The following PMS2 variants were observed in gnomAD, a reference collection of about 807,000 sequenced individuals.
The protein encoded by PMS2 is mismatch repair endonuclease PMS2.
A neutral mutation model predicts 90.0 loss-of-function variants in PMS2; 69 were observed. The observed-to-expected ratio is 0.77, with a 90% CI of 0.63 to 0.94. The LOEUF (loss-of-function observed/expected upper bound fraction) is 0.94. PMS2 is among the 40% of genes least tolerant of loss of function. PMS2 has a pLI of 0.00. For synonymous variants in PMS2, 332 were observed against 375.1 expected, an observed-to-expected ratio of 0.89 and a Z score of 1.33; for missense variants, 966 against 1,040.2, an observed-to-expected ratio of 0.93 and a Z score of 0.98.
chr7:6,005,499 T>A (rs1785631047), intron 2 of PMS2, among the ~76,000 whole-genome samples: 1 of 152,172 alleles, frequency 6.6e-6, no homozygotes. Flanking sequence ...CCACTATGCC[T>A]GGCCTACTTT....
Position 5,986,926 on chromosome 7 carries a change from C to G in PMS2, c.1839G>C (p.Lys613Asn), listed in dbSNP as rs1554297185. The G allele has an allele frequency of 6.2e-7, 1 of 1,614,138 alleles. No homozygotes were observed. The highest frequency in any genetic ancestry group is 1.1e-5 in the South Asian group (1 of 91,072). Residue 613 changes from lysine to asparagine, a missense_variant, in exon 11 of 15, where the codon AAG becomes AAC. This residue lies in a region of PMS2 where 871 missense variants were observed against 802.4 expected (regional missense o/e 1.09). Transcript: ENST00000265849. Reference protein sequence around the residue: ...SQVDVAVKINKKVVPLDFSMS... With the variant: ...SQVDVAVKINNKVVPLDFSMS... Reference sequence around the variant, plus strand: ...TAGAAAAGTCCAGGGGCACAACTTTCTTATTAATTTTCACAGCTACATCAA... The same window carrying G: ...TAGAAAAGTCCAGGGGCACAACTTTGTTATTAATTTTCACAGCTACATCAA...
At position 6,008,990 on chromosome 7, in the gene PMS2, C is replaced by A. The variant is rs878854047; in HGVS notation, c.23+7G>T. ...GGGGACACCGGAAGACTGCGAGCCC[C>A]GCTCACCTCGAGCTCTCAGCTCGCT... On this transcript the variant is annotated splice_region_variant and intron_variant, in intron 1 of 14. Coordinates refer to ENST00000265849, the MANE Select transcript of PMS2 (RefSeq NM_000535.7). The A allele has an allele frequency of 6.2e-7, 1 of 1,612,640 alleles. No homozygotes were observed. Among genetic ancestry groups the A allele is most frequent in the Non-Finnish European group, 8.5e-7 (1 of 1,179,828 alleles).
intron 1 of PMS2, 162 bp from the exon 2 acceptor site, chr7:6,006,193 C>T (rs55909068): frequency 2.4e-6 from 2 of 829,218 alleles, no homozygotes; most frequent in East Asian, 5.5e-5. Context: ...AATAGAAACA[C>T]TGTTTTACAA....
chr7:6,005,456 G>A (rs922065076), intron 2 of PMS2, among the ~76,000 whole-genome samples: 18 of 151,648 alleles, frequency 1.2e-4, no homozygotes, highest in Admixed American at 1.2e-3. Context: ...CACCCGCCTT[G>A]GCCTCCCAAA....
intron 2 of PMS2, chr7:6,004,502 G>C (rs1785491846): frequency 6.0e-6 from 1 of 165,756 alleles, no homozygotes; most frequent in African/African-American, 2.4e-5. Flanking sequence ...GATCACCTGA[G>C]GTCAGGAGTT....
rs267608151 is a variant in PMS2, at chr7:5,995,643, A to C, written c.804-10T>G. 1 of 1,570,094 alleles carries C rather than the reference A, an allele frequency of 6.4e-7. No homozygotes were observed. Among genetic ancestry groups the C allele is most frequent in the Non-Finnish European group, 8.8e-7 (1 of 1,139,770 alleles). ...AATGAAACCTGAGATGCTATTCAAC[A>C]TTAATATGGTAAGGGCAGGATTCCA... On this transcript the variant is annotated splice_polypyrimidine_tract_variant and intron_variant, in intron 7 of 14. Coordinates refer to ENST00000265849, the MANE Select transcript of PMS2 (RefSeq NM_000535.7).
intron 4 of PMS2, 86 bp downstream of exon 4, chr7:6,003,604 G>C: frequency 1.3e-6 from 1 of 775,016 alleles, no homozygotes; most frequent in Non-Finnish European, 2.2e-6. Flanking sequence ...TGTTGAGATA[G>C]AAAACTGAAA....
chr7:5,973,513 G>A lies in PMS2; in HGVS notation c.2475C>T (p.Ser825=), dbSNP rs776460258. 6.4e-6 allele frequency: 4 copies of A among 627,150 alleles called. No homozygotes were observed. Among genetic ancestry groups the A allele is most frequent in the East Asian group, 3.3e-5 (1 of 30,562 alleles). 38.8% of individuals were successfully genotyped at this position (627,150 alleles called of 1,614,324 possible). The change falls in exon 15 of 15, where the codon AGC becomes AGT. Residue 825 remains serine (S), a synonymous_variant. Transcript: ENST00000265849. ...TGTGGGTGATCAGTTTCTTCATCTC[G>A]CTTGTGTTAAGAGCAGTCCCAATCA... ...SVMIGTALNT[S]EMKKLITHMG... is the part of the protein sequence containing the mutation.
rs558313923 is a variant in PMS2 at position 5,976,041 on chromosome 7, C to G, written c.2445+1547G>C. 1.5e-3 allele frequency among the ~76,000 whole-genome samples: 216 copies of G among 144,742 alleles called. 7 individuals carry two copies. Among genetic ancestry groups the G allele is most frequent in the African/African-American group, 5.0e-3 (204 of 40,614 alleles). 95.0% of individuals were successfully genotyped at this position (144,742 alleles called of 152,430 possible). ...AGATCATGAGGTCAGGAGATCAACA[C>G]CAGCCTGACCAACATGGTGAAACCC... On this transcript the variant is annotated intron_variant, in intron 14 of 14. Coordinates refer to ENST00000265849, the MANE Select transcript of PMS2 (RefSeq NM_000535.7).
At chr7:6,008,967 G>C (rs2128865343) in intron 1 of PMS2, 30 bp downstream of exon 1, 2 of 1,612,270 alleles carry the variant, frequency 1.2e-6, no homozygotes, top group Non-Finnish European at 1.7e-6. Flanking sequence ...GCGCGAGAGG[G>C]GACACCGGAA....
chr7:5,986,780 T>C lies in PMS2; in HGVS notation c.1985A>G (p.Asp662Gly), dbSNP rs1320079782. ...ICPGENQAAE[D>G]ELRKEISKTM... ...TTACCTTATCTCTTTTCTTAGTTCA[T>C]CTTCGGCTGCTTGATTTTCTCCAGG... The change falls in exon 11 of 15, where the codon GAT becomes GGT. Residue 662 changes from aspartate to glycine, a missense_variant. Around this residue, in one of 2 missense-constraint regions of PMS2, gnomAD observed 95 missense variants for 237.8 expected, o/e 0.40. Transcript: ENST00000265849. 1 of 1,606,454 alleles carries C rather than the reference T, an allele frequency of 6.2e-7. No homozygotes were observed. The highest frequency in any genetic ancestry group is 8.5e-7 in the Non-Finnish European group (1 of 1,178,248).
At chr7:5,998,290 C>G (rs1784658987) in intron 6 of PMS2, among the ~76,000 whole-genome samples, 1 of 150,950 alleles carries the variant, frequency 6.6e-6, no homozygotes, top group Non-Finnish European at 1.5e-5. Flanking sequence ...CCATATTGAT[C>G]AGGCTGGTCT....
chr7:6,005,484 G>A lies in PMS2; in HGVS notation c.163+408C>T, dbSNP rs984979030. Among the ~76,000 whole-genome samples the A allele has an allele frequency of 1.1e-3, 164 of 152,146 alleles. 12 individuals are homozygous for A. Among genetic ancestry groups the A allele is most frequent in the East Asian group, 1.9e-4 (1 of 5,200 alleles). ...CTCCCAAAGTGCTGGGATTACAGGC[G>A]TGAGCCACTATGCCTGGCCTACTTT... is the stretch of plus-strand genomic sequence containing the variant. On this transcript the variant is annotated intron_variant, in intron 2 of 14. Coordinates refer to ENST00000265849, the MANE Select transcript of PMS2 (RefSeq NM_000535.7).
intron 1 of PMS2, 124 bp from the exon 2 acceptor site, chr7:6,006,155 A>AT: frequency 9.3e-7 from 1 of 1,074,694 alleles, no homozygotes. Flanking sequence ...CATTTATTAT[A>AT]TTAGCAAATA....
chr7:5,990,621 G>A (rs1477653416), intron 9 of PMS2, among the ~76,000 whole-genome samples: 1 of 152,164 alleles, frequency 6.6e-6, no homozygotes, highest in Non-Finnish European at 1.5e-5. Context: ...AGGTAGGTGT[G>A]TAAATTGGTA....
At chr7:5,983,651 CT>C (rs201939591) in intron 11 of PMS2, among the ~76,000 whole-genome samples, 82 of 146,462 alleles carry the variant, frequency 5.6e-4, no homozygotes, top group East Asian at 2.8e-3. Flanking sequence ...ATTATTTTTT[CT>C]TTTTTTTTTT....
chr7:5,989,297 G>C (rs925824575), intron 10 of PMS2, among the ~76,000 whole-genome samples: 1 of 151,946 alleles, frequency 6.6e-6, no homozygotes, highest in African/African-American at 2.4e-5. Context: ...CAGGTGTGGT[G>C]GTGGGCGCCT....
chr7:6,006,580 G>C (rs1325007379), intron 1 of PMS2, among the ~76,000 whole-genome samples: 2 of 152,052 alleles, frequency 1.3e-5, no homozygotes, highest in Non-Finnish European at 2.9e-5. Context: ...TTAAATCCAG[G>C]AGGCGGAGGT....
chr7:5,983,997 G>C (rs1402160111), intron 11 of PMS2, among the ~76,000 whole-genome samples: 1 of 151,824 alleles, frequency 6.6e-6, no homozygotes, highest in East Asian at 1.9e-4. Context: ...TTGCATGGAT[G>C]TACCATAATT....
Sources: allele counts gnomAD v4.1 joint callset (sites outside exome capture counted in the v4.1 genomes callset), GRCh38; gene constraint gnomAD v4.1.1; regional missense constraint gnomAD v4.1.1; transcripts MANE v1.5; gene names NCBI Gene and HGNC (gene_info 2026-07-23, HGNC 2026-07-21).